Variants in ADARB2 observed in about 807,000 individuals in gnomAD.
ADARB2 encodes the protein adenosine deaminase RNA specific B2 (inactive).
In ADARB2, 25 loss-of-function variants were observed where a neutral mutation model predicts 62.2. That is an observed-to-expected ratio of 0.40 (90% CI 0.29 to 0.56). The LOEUF (loss-of-function observed/expected upper bound fraction) is 0.56, where lower values mean the gene tolerates loss of function less well. Among genes scored for constraint, ADARB2 ranks in the 20% least tolerant of loss-of-function variants. ADARB2 has a pLI of 0.43. For missense variants in ADARB2, 1,071 were observed against 1,077.4 expected (o/e 0.99, Z 0.08); for synonymous variants, 572 against 500.8 (o/e 1.14, Z -1.90).
chr10:1,205,404 G>A (rs868276496), intron 7 of ADARB2, among the ~76,000 whole-genome samples: 1 of 101,402 alleles, frequency 9.9e-6, no homozygotes, highest in Non-Finnish European at 2.4e-5. Flanking sequence ...CACAGCCTGA[G>A]GGAGACAACT....
In ADARB2 at chr10:1,374,726, G is replaced by A. The variant is rs189357386; in HGVS notation, c.187+4348C>T. ...TTTGCACGCCCGGCTTCCCCTGTGCGGTATCATTGGGACCGCATGCATCAC... is the reference window on the plus strand; with the variant it reads ...TTTGCACGCCCGGCTTCCCCTGTGCAGTATCATTGGGACCGCATGCATCAC... On this transcript the variant is annotated intron_variant, in intron 2 of 9. Transcript: ENST00000381312. 2.9e-3 allele frequency among the ~76,000 whole-genome samples: 437 copies of A among 152,322 alleles called. 2 individuals are homozygous for A. Among genetic ancestry groups the A allele is most frequent in the Non-Finnish European group, 4.4e-3 (300 of 68,024 alleles).
chr10:1,179,190 A>G lies in ADARB2; in HGVS notation c.*4003T>C, dbSNP rs1017199112. On this transcript the variant is annotated 3_prime_UTR_variant, in exon 10 of 10. Coordinates refer to ENST00000381312, the MANE Select transcript of ADARB2 (RefSeq NM_018702.4). Reference sequence around the variant, plus strand: ...GTATTTACTGTTTATGGCTCTCCAGACGTGATAAACATTATATCCAAAAAA... The same window carrying G: ...GTATTTACTGTTTATGGCTCTCCAGGCGTGATAAACATTATATCCAAAAAA... 1 of 151,566 alleles carries G rather than the reference A, an allele frequency of 6.6e-6. No individual in the cohort carries two copies. The highest frequency in any genetic ancestry group is 1.5e-5 in the Non-Finnish European group (1 of 68,036). 9.4% of individuals were successfully genotyped at this position (151,566 alleles called of 1,614,324 possible).
intron 3 of ADARB2, chr10:1,293,011 A>AGAGGGAGAGGGAG (rs1564248588): frequency 2.1e-5 from 1 of 46,538 alleles, no homozygotes; most frequent in African/African-American, 7.9e-5. Context: ...GGAAGGAGAG[A>AGAGGGAGAGGGAG]GGGAGGGGAG....
chr10:1,683,795 G>C (rs1341936097), intron 1 of ADARB2, among the ~76,000 whole-genome samples: 1 of 152,232 alleles, frequency 6.6e-6, no homozygotes, highest in Non-Finnish European at 1.5e-5. Flanking sequence ...TGGTTTGGAT[G>C]AGCAGAGAAA....
At chr10:1,668,357 T>C (rs954685903) in intron 1 of ADARB2, among the ~76,000 whole-genome samples, 2 of 152,184 alleles carry the variant, frequency 1.3e-5, no homozygotes, top group African/African-American at 4.8e-5. Context: ...ATTGGAACAG[T>C]CAAAATACAC....
Position 1,657,146 on chromosome 10 carries a change from C to T in ADARB2, c.100+79905G>A, listed in dbSNP as rs138576044. The stretch of plus-strand genomic sequence containing the variant: ...AAAGCATGCAGCCTTGTGAAAAGTT[C>T]GAAAAGAGGTCTTCAGATTCAGAGT... On this transcript the variant is annotated intron_variant, in intron 1 of 9. Transcript: ENST00000381312. 7.4e-3 allele frequency among the ~76,000 whole-genome samples: 1,125 copies of T among 151,996 alleles called. 49 individuals are homozygous for T. The highest frequency in any genetic ancestry group is 0.068 in the Admixed American group (1,042 of 15,230).
chr10:1,373,865 C>A, intron 2 of ADARB2, among the ~76,000 whole-genome samples: 1 of 149,628 alleles, frequency 6.7e-6, no homozygotes, highest in South Asian at 2.2e-4. Flanking sequence ...TCCGCGCACC[C>A]TTCCTAGTGA....
intron 3 of ADARB2, among the ~76,000 whole-genome samples, chr10:1,279,514 A>C (rs1387834940): frequency 6.6e-6 from 1 of 152,030 alleles, no homozygotes; most frequent in African/African-American, 2.4e-5. Flanking sequence ...CAGGGTCTCA[A>C]TGTGTTGCTC....
At chr10:1,493,840 C>G (rs1392323409) in intron 1 of ADARB2, among the ~76,000 whole-genome samples, 1 of 141,384 alleles carries the variant, frequency 7.1e-6, no homozygotes, top group Non-Finnish European at 1.5e-5. Flanking sequence ...CTCACTGCAA[C>G]CTCCGCCTCC....
chr10:1,508,743 A>G (rs748309805), intron 1 of ADARB2, among the ~76,000 whole-genome samples: 4 of 152,204 alleles, frequency 2.6e-5, no homozygotes, highest in African/African-American at 9.7e-5. Context: ...AGATCACACC[A>G]CTACACTCCA....
chr10:1,683,363 A>G (rs747334248), intron 1 of ADARB2, among the ~76,000 whole-genome samples: 2 of 152,254 alleles, frequency 1.3e-5, no homozygotes, highest in Non-Finnish European at 2.9e-5. Context: ...GAAGCGAGGT[A>G]TGGAAAGAAG....
At chr10:1,444,555 C>T (rs762099810) in intron 1 of ADARB2, among the ~76,000 whole-genome samples, 5 of 150,762 alleles carry the variant, frequency 3.3e-5, no homozygotes, top group Non-Finnish European at 4.4e-5. Context: ...CTACATTCAT[C>T]CATCCATCCA....
chr10:1,413,976 T>C (rs191025831), intron 1 of ADARB2, among the ~76,000 whole-genome samples: 77 of 152,284 alleles, frequency 5.1e-4, no homozygotes, highest in African/African-American at 1.7e-3. Context: ...CAAAAAACAA[T>C]GTGTGCTCGC....
At chr10:1,523,057 C>G (rs925098676) in intron 1 of ADARB2, among the ~76,000 whole-genome samples, 38 of 152,194 alleles carry the variant, frequency 2.5e-4, no homozygotes, top group African/African-American at 9.2e-4. Flanking sequence ...GTGACATCAT[C>G]CTTTTGTTAG....
chr10:1,182,189 T>C lies in ADARB2; in HGVS notation c.*1004A>G, dbSNP rs544040437. On this transcript the variant is annotated 3_prime_UTR_variant, in exon 10 of 10. Transcript: ENST00000381312. Reference sequence around the variant, plus strand: ...TGCTTGCTTTCTAATGAAAATTTAGTTAAAAAATCAGAATTTGATCAAAGA... The same window carrying C: ...TGCTTGCTTTCTAATGAAAATTTAGCTAAAAAATCAGAATTTGATCAAAGA... The C allele has an allele frequency of 1.2e-4, 18 of 152,380 alleles. No homozygotes were observed. The highest frequency in any genetic ancestry group is 4.3e-4 in the African/African-American group (18 of 41,590). 9.4% of individuals were successfully genotyped at this position (152,380 alleles called of 1,614,324 possible). A position where few individuals can be genotyped will look rare whatever the true frequency, so the allele number is the denominator to read the frequency against.
chr10:1,454,475 G>T (rs1209306415), intron 1 of ADARB2, among the ~76,000 whole-genome samples: 2 of 152,230 alleles, frequency 1.3e-5, no homozygotes, highest in African/African-American at 4.8e-5. Flanking sequence ...CAAAGAAAAT[G>T]TGGAATATCT....
At chr10:1,572,267 G>C (rs1272664020) in intron 1 of ADARB2, among the ~76,000 whole-genome samples, 1 of 151,790 alleles carries the variant, frequency 6.6e-6, no homozygotes, top group African/African-American at 2.4e-5. Flanking sequence ...TGGTGAGAAG[G>C]CAGGTGAGTG....
intron 3 of ADARB2, among the ~76,000 whole-genome samples, chr10:1,285,088 A>G (rs1831400988): frequency 6.6e-6 from 1 of 152,206 alleles, no homozygotes; most frequent in African/African-American, 2.4e-5. Context: ...CTGTTCAAAA[A>G]AGCCTGAATA....
intron 2 of ADARB2, among the ~76,000 whole-genome samples, chr10:1,370,901 C>T (rs1447285714): frequency 6.6e-6 from 1 of 152,192 alleles, no homozygotes; most frequent in Non-Finnish European, 1.5e-5. Context: ...AGATTCAATG[C>T]AATCTCTATC....
Sources: gnomAD v4.1 joint callset for allele counts (sites outside exome capture counted in the v4.1 genomes callset) on GRCh38, gnomAD v4.1.1 for gene constraint, MANE v1.5 for transcripts, NCBI Gene and HGNC (gene_info 2026-07-23, HGNC 2026-07-21) for gene names.